SCFD2: variants seen among roughly 807,000 people sequenced by gnomAD.
SCFD2 encodes sec1 family domain containing 2, also known as sec1 family domain-containing protein 2.
A neutral mutation model predicts 58.9 loss-of-function variants in SCFD2; 54 were observed. The observed-to-expected ratio is 0.92, with a 90% CI of 0.74 to 1.15. The LOEUF (loss-of-function observed/expected upper bound fraction) is 1.15, where lower values mean the gene tolerates loss of function less well. Among genes scored for constraint, SCFD2 ranks in the 50% most tolerant of loss-of-function variants. The probability of loss-of-function intolerance (pLI) is 0.00; values close to 1 mark genes in which losing one functional copy is unlikely to be tolerated. For synonymous variants in SCFD2, 321 were observed against 335.9 expected, an observed-to-expected ratio of 0.96 and a Z score of 0.49; for missense variants, 805 against 836.6, an observed-to-expected ratio of 0.96 and a Z score of 0.47.
At chr4:52,998,389 G>C (rs1166636162) in intron 5 of SCFD2, among the ~76,000 whole-genome samples, 1 of 152,212 alleles carries the variant, frequency 6.6e-6, no homozygotes, top group Non-Finnish European at 1.5e-5. Flanking sequence ...AGAAGAATGA[G>C]TGCTTTGCAT....
At chr4:53,185,449 G>A (rs575632574) in intron 4 of SCFD2, among the ~76,000 whole-genome samples, 1 of 152,050 alleles carries the variant, frequency 6.6e-6, no homozygotes, top group East Asian at 1.9e-4. Context: ...ACTCCATTAT[G>A]CTATATAGTG....
intron 8 of SCFD2, among the ~76,000 whole-genome samples, chr4:52,882,639 C>T (rs1484305086): frequency 1.3e-5 from 2 of 152,166 alleles, no homozygotes; most frequent in African/African-American, 4.8e-5. Flanking sequence ...GTCTCCCAGC[C>T]TACATCTTTC....
chr4:52,993,342 G>A (rs1037003872), intron 5 of SCFD2, among the ~76,000 whole-genome samples: 3 of 151,992 alleles, frequency 2.0e-5, no homozygotes, highest in Admixed American at 6.5e-5. Context: ...CTATTGTCCT[G>A]TGACCCTGCC....
chr4:53,251,133 A>G (rs1314308610), intron 4 of SCFD2, among the ~76,000 whole-genome samples: 1 of 152,246 alleles, frequency 6.6e-6, no homozygotes, highest in Admixed American at 6.5e-5. Flanking sequence ...GAAAATCTAG[A>G]AGAAATGGAT....
chr4:53,267,943 G>A (rs1174315069), intron 4 of SCFD2, among the ~76,000 whole-genome samples: 5 of 152,170 alleles, frequency 3.3e-5, no homozygotes, highest in African/African-American at 1.2e-4. Flanking sequence ...ATCATTCTCA[G>A]GAGAAAATCT....
chr4:53,271,627 T>C (rs1035799527), intron 4 of SCFD2, among the ~76,000 whole-genome samples: 4 of 151,960 alleles, frequency 2.6e-5, no homozygotes, highest in Non-Finnish European at 4.4e-5. Flanking sequence ...CACACCCAGC[T>C]AATTTTTGTA....
At chr4:53,176,091 A>G (rs1426473919) in intron 4 of SCFD2, among the ~76,000 whole-genome samples, 3 of 152,194 alleles carry the variant, frequency 2.0e-5, no homozygotes, top group Admixed American at 1.3e-4. Flanking sequence ...CAATTGAGAA[A>G]GTGTTCTCAA....
chr4:53,163,565 T>C (rs977021910), intron 4 of SCFD2, among the ~76,000 whole-genome samples: 1 of 152,070 alleles, frequency 6.6e-6, no homozygotes, highest in African/African-American at 2.4e-5. Flanking sequence ...ATCCCATCCA[T>C]AGTAAAAATA....
intron 5 of SCFD2, among the ~76,000 whole-genome samples, chr4:52,930,707 G>A (rs1346890271): frequency 6.6e-6 from 1 of 152,102 alleles, no homozygotes; most frequent in East Asian, 1.9e-4. Context: ...GAAGTGTGGA[G>A]AACTATAAAA....
At chr4:53,220,281 T>C (rs1254307972) in intron 4 of SCFD2, among the ~76,000 whole-genome samples, 1 of 152,236 alleles carries the variant, frequency 6.6e-6, no homozygotes, top group Non-Finnish European at 1.5e-5. Context: ...ATAGAAAACC[T>C]GATCAGTTTA....
chr4:53,083,495 A>G (rs1456661130), intron 5 of SCFD2, among the ~76,000 whole-genome samples: 1 of 152,216 alleles, frequency 6.6e-6, no homozygotes, highest in African/African-American at 2.4e-5. Flanking sequence ...ATCACACATG[A>G]AAAAAGGAAA....
intron 4 of SCFD2, among the ~76,000 whole-genome samples, chr4:53,197,747 C>CAAAA (rs10717880): frequency 1.8e-3 from 169 of 96,394 alleles, no homozygotes; most frequent in East Asian, 2.3e-3. Flanking sequence ...TAGAAGATGG[C>CAAAA]AAAAAAAAAA....
At chr4:53,208,739 A>G (rs1728514373) in intron 4 of SCFD2, among the ~76,000 whole-genome samples, 3 of 152,224 alleles carry the variant, frequency 2.0e-5, no homozygotes, top group Admixed American at 2.0e-4. Context: ...GAACTAGAAA[A>G]ATCTTATAAG....
chr4:53,098,797 A>T, intron 5 of SCFD2, among the ~76,000 whole-genome samples: 1 of 152,034 alleles, frequency 6.6e-6, no homozygotes, highest in East Asian at 1.9e-4. Flanking sequence ...ATGATTACTC[A>T]CACACACACA....
intron 5 of SCFD2, among the ~76,000 whole-genome samples, chr4:53,063,734 G>C (rs1399766317): frequency 6.6e-6 from 1 of 152,122 alleles, no homozygotes; most frequent in Non-Finnish European, 1.5e-5. Context: ...AAGGTCCCCA[G>C]AATTTATTCA....
chr4:53,359,379 C>T (rs1374623898), intron 1 of SCFD2, among the ~76,000 whole-genome samples: 1 of 152,038 alleles, frequency 6.6e-6, no homozygotes, highest in Non-Finnish European at 1.5e-5. Flanking sequence ...TCCTTTTGGT[C>T]TCTATATTAA....
At chr4:53,033,047 A>G (rs1400930604) in intron 5 of SCFD2, among the ~76,000 whole-genome samples, 1 of 152,190 alleles carries the variant, frequency 6.6e-6, no homozygotes, top group Non-Finnish European at 1.5e-5. Context: ...ACATATTCTA[A>G]AATTGACCAC....
At chr4:53,277,083 T>C (rs1731349920) in intron 3 of SCFD2, among the ~76,000 whole-genome samples, 1 of 152,196 alleles carries the variant, frequency 6.6e-6, no homozygotes, top group Non-Finnish European at 1.5e-5. Context: ...TCAACATATA[T>C]TTCTGTAACA....
chr4:53,049,774 T>C (rs1577685909), intron 5 of SCFD2, among the ~76,000 whole-genome samples: 1 of 152,294 alleles, frequency 6.6e-6, no homozygotes, highest in South Asian at 2.1e-4. Context: ...CTGATAATGA[T>C]AATGACTACC....
Sources: gnomAD v4.1 joint callset for allele counts (sites outside exome capture counted in the v4.1 genomes callset) on GRCh38, gnomAD v4.1.1 for gene constraint, MANE v1.5 for transcripts, NCBI Gene and HGNC (gene_info 2026-07-23, HGNC 2026-07-21) for gene names.